DAAM1: variants seen among roughly 807,000 people sequenced by gnomAD.
DAAM1 encodes dishevelled associated activator of morphogenesis 1, also known as disheveled-associated activator of morphogenesis 1.
Under a neutral mutation model 130.0 loss-of-function variants are expected in DAAM1, and 52 were observed. That is an observed-to-expected ratio of 0.40 (90% CI 0.32 to 0.50). The LOEUF (loss-of-function observed/expected upper bound fraction) is 0.50, where lower values mean the gene tolerates loss of function less well. Among genes scored for constraint, DAAM1 ranks in the 20% least tolerant of loss-of-function variants. The probability of loss-of-function intolerance (pLI) is 0.61; values close to 1 mark genes in which losing one functional copy is unlikely to be tolerated. For missense variants in DAAM1, 1,134 were observed against 1,303.8 expected, an observed-to-expected ratio of 0.87 and a Z score of 2.01; for synonymous variants, 452 against 444.5, an observed-to-expected ratio of 1.02 and a Z score of -0.21.
Position 59,368,634 on chromosome 14 carries a change from T to A in DAAM1, c.2998-16T>A. The A allele has an allele frequency of 6.2e-7, 1 of 1,606,422 alleles. No individual in the cohort carries two copies. The highest frequency in any genetic ancestry group is 8.5e-7 in the Non-Finnish European group (1 of 1,176,366). On this transcript the variant is annotated splice_polypyrimidine_tract_variant and intron_variant, in intron 24 of 24. Transcript: ENST00000360909. ...TTTTGACATGTCTCAAAGAGGTTAT[T>A]TCTTTCTATTTGCAGCTCAAAGAAC...
rs1344478073 is a variant in DAAM1, at chr14:59,338,448, T to C, written c.1969-1626T>C. On this transcript the variant is annotated intron_variant, in intron 15 of 24. Transcript: ENST00000360909. ...GCTACTACCTAAAGCTTGCTTAATA[T>C]AACTCCTTGGCTCACTGTAAGCTTG... 7.5e-6 allele frequency: 12 copies of C among 1,610,700 alleles called. No homozygotes were observed. The East Asian group carries it at 2.5e-4, about 33-fold the overall frequency.
At chr14:59,272,935 A>C (rs1882792747) in intron 2 of DAAM1, among the ~76,000 whole-genome samples, 1 of 152,180 alleles carries the variant, frequency 6.6e-6, no homozygotes. Context: ...CCCTGAGAAC[A>C]ACTGATGGTT....
intron 15 of DAAM1, chr14:59,338,298 C>A: frequency 7.5e-7 from 1 of 1,328,774 alleles, no homozygotes; most frequent in South Asian, 1.2e-5. Context: ...GTTTCCTTGA[C>A]TGCTTTGACT....
chr14:59,273,853 A>G (rs1882834342), intron 2 of DAAM1, among the ~76,000 whole-genome samples: 1 of 152,200 alleles, frequency 6.6e-6, no homozygotes, highest in Non-Finnish European at 1.5e-5. Context: ...TGCTCTGGGA[A>G]TTATCTAGTC....
At chr14:59,224,797 A>T (rs1888884892) in intron 1 of DAAM1, among the ~76,000 whole-genome samples, 1 of 152,216 alleles carries the variant, frequency 6.6e-6, no homozygotes, top group African/African-American at 2.4e-5. Context: ...GTGCTATTAG[A>T]AGGTGGTGTC....
rs970784230 is a variant in DAAM1 at position 59,360,966 on chromosome 14, T to TAAAC, written c.2694+106_2694+109dup. On this transcript the variant is annotated intron_variant, in intron 22 of 24. Coordinates refer to ENST00000360909, the MANE Select transcript of DAAM1 (RefSeq NM_001270520.2). ...GTGTTGGCATGTGGTATGCCCGGGA[T>TAAAC]AAACATTTATTGATTAAAAAATAAG... 3.0e-5 allele frequency: 27 copies of TAAAC among 903,322 alleles called. No homozygotes were observed. In the African/African-American group the frequency reaches 3.8e-4, roughly 13 times the overall value. The allele number at this position is 903,322 out of a possible 1,614,324, so 56.0% of individuals were successfully genotyped here.
intron 3 of DAAM1, among the ~76,000 whole-genome samples, chr14:59,307,684 G>C (rs1325208792): frequency 6.6e-6 from 1 of 152,208 alleles, no homozygotes; most frequent in Non-Finnish European, 1.5e-5. Flanking sequence ...TGGGGGGTCA[G>C]AGGAGGTATC....
At chr14:59,337,763 T>G (rs1036923726) in intron 15 of DAAM1, among the ~76,000 whole-genome samples, 24 of 152,294 alleles carry the variant, frequency 1.6e-4, no homozygotes, top group African/African-American at 5.8e-4. Context: ...TTTCTCTTAA[T>G]TGCATGTTCT....
chr14:59,366,462 A>C (rs1446951993), intron 23 of DAAM1, among the ~76,000 whole-genome samples: 1 of 152,192 alleles, frequency 6.6e-6, no homozygotes, highest in African/African-American at 2.4e-5. Context: ...ATATGGCACC[A>C]GTAAATGATA....
chr14:59,339,069 C>G (rs984182250), intron 15 of DAAM1, among the ~76,000 whole-genome samples: 3 of 152,138 alleles, frequency 2.0e-5, no homozygotes, highest in African/African-American at 7.2e-5. Flanking sequence ...ATTCACGAGG[C>G]TTAGTAGGAA....
intron 1 of DAAM1, among the ~76,000 whole-genome samples, chr14:59,189,749 C>T (rs1405258369): frequency 6.6e-6 from 1 of 152,164 alleles, no homozygotes; most frequent in African/African-American, 2.4e-5. Context: ...AGCTCTCAGT[C>T]CTCTGGATGT....
chr14:59,338,470 C>CT, intron 15 of DAAM1: 1 of 1,578,864 alleles, frequency 6.3e-7, no homozygotes. Flanking sequence ...TCACTGTAAG[C>CT]TTGAAATCTC....
chr14:59,240,156 AG>A (rs1889431564), intron 1 of DAAM1, among the ~76,000 whole-genome samples: 1 of 152,182 alleles, frequency 6.6e-6, no homozygotes, highest in Admixed American at 6.5e-5. Context: ...TTGTGGCTAG[AG>A]GGGGGTATGG....
chr14:59,368,709 A>T lies in DAAM1; in HGVS notation c.3057A>T (p.Glu1019Asp), dbSNP rs770160282. 6.2e-7 allele frequency: 1 copy of T among 1,613,962 alleles called. No individual in the cohort carries two copies. The highest frequency in any genetic ancestry group is 1.1e-5 in the South Asian group (1 of 91,062). The change falls in exon 25 of 25, where the codon GAA (glutamate) becomes GAT (aspartate). Residue 1019 changes from glutamate (E) to aspartate (D), a missense_variant. This residue lies in a region of DAAM1 where 644 missense variants were observed against 695.9 expected (regional missense o/e 0.93). Transcript: ENST00000360909. ...KMRKAKENSE[E>D]SGEFDDLVSA... ...GAAAAGCTAAAGAGAATAGTGAAGA[A>T]AGCGGAGAGTTTGATGACCTTGTTT...
intron 1 of DAAM1, among the ~76,000 whole-genome samples, chr14:59,233,894 T>C (rs1889199540): frequency 6.6e-6 from 1 of 152,236 alleles, no homozygotes; most frequent in South Asian, 2.1e-4. Context: ...GAGAATGCTT[T>C]TCCCATTGCT....
chr14:59,203,303 T>C, intron 1 of DAAM1, among the ~76,000 whole-genome samples: 1 of 151,994 alleles, frequency 6.6e-6, no homozygotes, highest in Non-Finnish European at 1.5e-5. Context: ...TAGCTTTCTT[T>C]TGGAGATGAT....
At chr14:59,331,571 T>C (rs1594829437) in intron 14 of DAAM1, 63 bp downstream of exon 14, 2 of 1,519,298 alleles carry the variant, frequency 1.3e-6, no homozygotes, top group African/African-American at 1.4e-5. Flanking sequence ...GTGTTATCAC[T>C]GAAAGGGAAA....
intron 3 of DAAM1, among the ~76,000 whole-genome samples, chr14:59,301,096 CTAATATCT>C (rs1315624482): frequency 7.5e-6 from 1 of 132,870 alleles, no homozygotes; most frequent in East Asian, 3.0e-4. Context: ...GGGAAGGAAA[CTAATATCT>C]CATTGCTCGA....
intron 4 of DAAM1, among the ~76,000 whole-genome samples, chr14:59,316,022 C>G (rs1194635138): frequency 2.0e-5 from 3 of 152,168 alleles, no homozygotes; most frequent in African/African-American, 7.2e-5. Context: ...GCTTGAGGGA[C>G]ACCTATTCAT....
Sources: allele counts gnomAD v4.1 joint callset (sites outside exome capture counted in the v4.1 genomes callset), GRCh38; gene constraint gnomAD v4.1.1; regional missense constraint gnomAD v4.1.1; transcripts MANE v1.5; gene names NCBI Gene and HGNC (gene_info 2026-07-23, HGNC 2026-07-21).